Variants in CHRM3 observed in about 807,000 individuals in gnomAD.
CHRM3 encodes muscarinic acetylcholine receptor M3.
Under a neutral mutation model 41.8 loss-of-function variants are expected in CHRM3, and 11 were observed. The observed-to-expected ratio is 0.26, with a 90% CI of 0.17 to 0.44. The LOEUF (loss-of-function observed/expected upper bound fraction) is 0.44, where lower values mean the gene tolerates loss of function less well. CHRM3 is among the 20% of genes least tolerant of loss of function. CHRM3 has a pLI of 1.00. For missense variants in CHRM3, 571 were observed against 745.4 expected (o/e 0.77, Z 2.72); for synonymous variants, 297 against 301.4 (o/e 0.99, Z 0.15).
At chr1:239,534,632 A>G (rs1032899026) in intron 2 of CHRM3, among the ~76,000 whole-genome samples, 1 of 152,218 alleles carries the variant, frequency 6.6e-6, no homozygotes, top group Admixed American at 6.5e-5. Flanking sequence ...AAGTTGTTGC[A>G]TGGTGCAAAG....
At chr1:239,856,102 C>G (rs1675091999) in intron 6 of CHRM3, among the ~76,000 whole-genome samples, 1 of 152,088 alleles carries the variant, frequency 6.6e-6, no homozygotes, top group Non-Finnish European at 1.5e-5. Flanking sequence ...TTCCTTGAGC[C>G]TGGTGCTAAC....
At chr1:239,874,091 A>G (rs985372108) in intron 6 of CHRM3, among the ~76,000 whole-genome samples, 3 of 151,852 alleles carry the variant, frequency 2.0e-5, no homozygotes, top group African/African-American at 7.3e-5. Context: ...ACTGAGGCTC[A>G]GGAGGACAAG....
At chr1:239,506,289 G>C (rs1387182702) in intron 2 of CHRM3, among the ~76,000 whole-genome samples, 2 of 152,114 alleles carry the variant, frequency 1.3e-5, no homozygotes, top group African/African-American at 4.8e-5. Flanking sequence ...CAAGCCCAGA[G>C]ACATAGGAGG....
intron 4 of CHRM3, among the ~76,000 whole-genome samples, chr1:239,667,056 A>G (rs1673880023): frequency 6.6e-6 from 1 of 152,132 alleles, no homozygotes; most frequent in South Asian, 2.1e-4. Flanking sequence ...TCTCTTCTCA[A>G]ATCACTCTGT....
intron 6 of CHRM3, among the ~76,000 whole-genome samples, chr1:239,855,251 C>T (rs74997656): frequency 0.016 from 2,498 of 152,154 alleles, 70 homozygotes; most frequent in African/African-American, 0.057. Flanking sequence ...TCATGCATTC[C>T]CAAAAGCATT....
At chr1:239,580,704 T>TATATATATATATATATACACACACACAC (rs570878631) in intron 3 of CHRM3, among the ~76,000 whole-genome samples, 13 of 131,074 alleles carry the variant, frequency 9.9e-5, no homozygotes, top group African/African-American at 3.7e-4. Flanking sequence ...TATATATATA[T>TATATATATATATATATACACACACACAC]ACACACACAC....
intron 1 of CHRM3, among the ~76,000 whole-genome samples, chr1:239,412,910 T>G (rs1661212020): frequency 6.6e-6 from 1 of 151,800 alleles, no homozygotes; most frequent in Admixed American, 6.6e-5. Context: ...GAAACCCGTC[T>G]CTACTAAAAA....
intron 5 of CHRM3, among the ~76,000 whole-genome samples, chr1:239,680,997 T>G (rs1571962899): frequency 6.6e-6 from 1 of 152,160 alleles, no homozygotes; most frequent in South Asian, 2.1e-4. Context: ...AAGGCACTTC[T>G]TACATGGCAG....
chr1:239,592,419 T>G (rs926015759), intron 3 of CHRM3, among the ~76,000 whole-genome samples: 1 of 152,132 alleles, frequency 6.6e-6, no homozygotes, highest in African/African-American at 2.4e-5. Flanking sequence ...AGAAAACACA[T>G]GCCTGTTAAT....
chr1:239,895,865 G>T (rs956439571), intron 6 of CHRM3, among the ~76,000 whole-genome samples: 1 of 151,960 alleles, frequency 6.6e-6, no homozygotes, highest in African/African-American at 2.4e-5. Context: ...CTCCTGTTGG[G>T]TACTATGCTC....
chr1:239,581,453 T>TGTGG (rs1299891593), intron 3 of CHRM3, among the ~76,000 whole-genome samples: 1 of 50,186 alleles, frequency 2.0e-5, no homozygotes, highest in African/African-American at 8.0e-5. Context: ...TGCGTGTGTG[T>TGTGG]GTGGGTGGGT....
chr1:239,505,429 A>G (rs1310395641), intron 2 of CHRM3, among the ~76,000 whole-genome samples: 6 of 152,124 alleles, frequency 3.9e-5, no homozygotes, highest in Admixed American at 3.9e-4. Flanking sequence ...TTCTTGTGAT[A>G]GTGAGTAAGT....
intron 2 of CHRM3, among the ~76,000 whole-genome samples, chr1:239,529,767 T>C (rs1247829810): frequency 6.6e-6 from 1 of 152,192 alleles, no homozygotes; most frequent in Non-Finnish European, 1.5e-5. Context: ...AGCCATTATC[T>C]TCAGACGTTA....
chr1:239,616,360 T>G (rs1212787641), intron 3 of CHRM3, among the ~76,000 whole-genome samples: 1 of 152,230 alleles, frequency 6.6e-6, no homozygotes, highest in Non-Finnish European at 1.5e-5. Context: ...ACCATGCAAC[T>G]GTTCTTTGCA....
At chr1:239,458,565 G>T (rs2147864500) in intron 1 of CHRM3, among the ~76,000 whole-genome samples, 1 of 152,218 alleles carries the variant, frequency 6.6e-6, no homozygotes, top group East Asian at 1.9e-4. Flanking sequence ...TAGGAATGAA[G>T]ATATATAAAG....
chr1:239,715,067 A>G (rs1001886069), intron 5 of CHRM3, among the ~76,000 whole-genome samples: 3 of 152,142 alleles, frequency 2.0e-5, no homozygotes, highest in African/African-American at 7.2e-5. Context: ...AGAGTGAATT[A>G]TAAGATGGGA....
intron 4 of CHRM3, among the ~76,000 whole-genome samples, chr1:239,662,344 A>T (rs1383435500): frequency 6.6e-6 from 1 of 152,152 alleles, no homozygotes; most frequent in Non-Finnish European, 1.5e-5. Flanking sequence ...AAATGACTGT[A>T]CATGATTGTA....
chr1:239,574,487 G>A (rs1182009799), intron 3 of CHRM3, among the ~76,000 whole-genome samples: 1 of 152,016 alleles, frequency 6.6e-6, no homozygotes, highest in Non-Finnish European at 1.5e-5. Flanking sequence ...CTACCTTCAT[G>A]TCTTTGATGG....
intron 5 of CHRM3, among the ~76,000 whole-genome samples, chr1:239,777,431 CATT>C (rs756158357): frequency 5.9e-5 from 9 of 152,146 alleles, no homozygotes; most frequent in Non-Finnish European, 1.3e-4. Context: ...TGAAAACTAA[CATT>C]ATTCTATAAA....
Sources: gnomAD v4.1 joint callset for allele counts (sites outside exome capture counted in the v4.1 genomes callset) on GRCh38, gnomAD v4.1.1 for gene constraint, MANE v1.5 for transcripts, NCBI Gene and HGNC (gene_info 2026-07-23, HGNC 2026-07-21) for gene names.